MYO18B: variants seen among roughly 807,000 people sequenced by gnomAD.
The protein encoded by MYO18B is myosin XVIIIB.
A neutral mutation model predicts 273.0 loss-of-function variants in MYO18B; 204 were observed. The observed-to-expected ratio is 0.75, with a 90% confidence interval of 0.67 to 0.84. The LOEUF (loss-of-function observed/expected upper bound fraction) is 0.84. Among genes scored for constraint, MYO18B ranks in the 40% least tolerant of loss-of-function variants. The pLI is 0.00. For synonymous variants in MYO18B, 1,330 were observed against 1,305.7 expected (o/e 1.02, Z -0.40); for missense variants, 3,212 against 3,287.6 (o/e 0.98, Z 0.56).
Position 25,768,502 on chromosome 22 carries a change from T to C in MYO18B, c.586T>C (p.Ser196Pro), listed in dbSNP as rs569946540. The change falls in exon 4 of 44, where the codon TCT becomes CCT. Residue 196 changes from serine (S) to proline (P), a missense_variant. Coordinates refer to ENST00000335473, the MANE Select transcript of MYO18B (RefSeq NM_032608.7). Reference protein sequence around the residue: ...DTGKEKKGETSRTPCGSQAST... With the variant: ...DTGKEKKGETPRTPCGSQAST... ...TGGAAAGGAAAAGAAAGGGGAGACCTCTAGGACTCCTTGTGGCTCCCAGGC... is the reference window on the plus strand; with the variant it reads ...TGGAAAGGAAAAGAAAGGGGAGACCCCTAGGACTCCTTGTGGCTCCCAGGC... 3.1e-6 allele frequency: 5 copies of C among 1,593,186 alleles called. No individual in the cohort carries two copies. The East Asian group carries it at 9.0e-5, about 29-fold the overall frequency.
chr22:25,915,130 G>A (rs559148114), intron 33 of MYO18B, among the ~76,000 whole-genome samples: 11 of 152,116 alleles, frequency 7.2e-5, no homozygotes, highest in Non-Finnish European at 1.6e-4. Flanking sequence ...TTGAATGGTA[G>A]AGAAAGATAT....
chr22:26,021,131 G>C (rs73404467), intron 42 of MYO18B, among the ~76,000 whole-genome samples: 5,463 of 152,238 alleles, frequency 0.036, 306 homozygotes, highest in African/African-American at 0.12. Flanking sequence ...GGAATAGACA[G>C]AGCTGGGATT....
intron 25 of MYO18B, among the ~76,000 whole-genome samples, chr22:25,887,130 A>G (rs565660156): frequency 6.6e-6 from 1 of 152,206 alleles, no homozygotes; most frequent in African/African-American, 2.4e-5. Flanking sequence ...GTCTATGAAT[A>G]TAAGAGCTGA....
rs772618832 is a variant in MYO18B at position 26,027,024 on chromosome 22, C to A, written c.7050C>A (p.Ser2350=). The A allele has an allele frequency of 6.2e-7, 1 of 1,613,978 alleles. No individual in the cohort carries two copies. Among genetic ancestry groups the A allele is most frequent in the East Asian group, 2.2e-5 (1 of 44,876 alleles). Residue 2350 remains serine (S), a synonymous_variant, in exon 43 of 44, where the codon TCC becomes TCA. Coordinates refer to ENST00000335473, the MANE Select transcript of MYO18B (RefSeq NM_032608.7). This position sits in a 1 kb window ranked among gnomAD's most constrained non-coding sequence, Gnocchi z 4.1. The part of the protein sequence containing the change: ...LPEKSKTQFS[S]CESLLESRPS... ...AAAAGTCGAAAACCCAATTCAGTTC[C>A]TGCGAGTCCCTCTTAGAATCCAGAC...
At chr22:25,964,885 A>C (rs2146701950) in intron 39 of MYO18B, 1 of 152,356 alleles carries the variant, frequency 6.6e-6, no homozygotes, top group East Asian at 1.9e-4. Flanking sequence ...TCAAGAATGG[A>C]AAGAGGCGGA....
intron 31 of MYO18B, 108 bp downstream of exon 31, chr22:25,903,939 A>C: frequency 8.6e-7 from 1 of 1,168,478 alleles, no homozygotes; most frequent in Non-Finnish European, 1.2e-6. Context: ...TCATCCTTCA[A>C]TGGCTCCCTA....
intron 34 of MYO18B, among the ~76,000 whole-genome samples, chr22:25,933,121 A>T (rs761269342): frequency 2.0e-5 from 3 of 152,142 alleles, no homozygotes; most frequent in Non-Finnish European, 4.4e-5. Context: ...AGTTCAGGCC[A>T]GTTGCATTGT....
chr22:26,030,856 G>T lies in MYO18B; in HGVS notation c.*426G>T. ...TCACTTCCTCCAGGAAGTCTTTCCT[G>T]ATATATCAAACTGAAACAAATGCTC... On this transcript the variant is annotated 3_prime_UTR_variant, in exon 44 of 44. Transcript: ENST00000335473. 1 of 398,370 alleles carries T rather than the reference G, an allele frequency of 2.5e-6. No homozygotes were observed. The highest frequency in any genetic ancestry group is 1.3e-4 in the South Asian group (1 of 7,816). 24.7% of individuals were successfully genotyped at this position (398,370 alleles called of 1,614,324 possible).
intron 39 of MYO18B, among the ~76,000 whole-genome samples, chr22:25,973,379 G>A (rs2093055981): frequency 6.6e-6 from 1 of 152,188 alleles, no homozygotes; most frequent in Non-Finnish European, 1.5e-5. Context: ...TCAGACCATA[G>A]AAATATAGAA....
chr22:25,745,354 C>A (rs2085746227), intron 1 of MYO18B, among the ~76,000 whole-genome samples: 2 of 152,176 alleles, frequency 1.3e-5, no homozygotes, highest in South Asian at 4.1e-4. Flanking sequence ...AAGTGATCCA[C>A]CCACCTCAGC....
chr22:25,927,800 C>G (rs892686128), intron 34 of MYO18B, among the ~76,000 whole-genome samples: 2 of 152,104 alleles, frequency 1.3e-5, no homozygotes, highest in African/African-American at 4.8e-5. Flanking sequence ...TGTACTCTGT[C>G]CCTTTATTTC....
At chr22:25,999,171 G>A (rs1471189499) in intron 40 of MYO18B, among the ~76,000 whole-genome samples, 1 of 152,176 alleles carries the variant, frequency 6.6e-6, no homozygotes, top group Non-Finnish European at 1.5e-5. Context: ...CATGCAGTAG[G>A]TGATGAAGCC....
At chr22:25,851,807 G>A (rs1019410742) in intron 21 of MYO18B, among the ~76,000 whole-genome samples, 1 of 152,158 alleles carries the variant, frequency 6.6e-6, no homozygotes, top group African/African-American at 2.4e-5. Context: ...GCCCCAGGGG[G>A]CATCTGGACC....
intron 38 of MYO18B, among the ~76,000 whole-genome samples, chr22:25,954,259 C>T (rs1418876110): frequency 1.3e-5 from 2 of 152,082 alleles, no homozygotes; most frequent in Non-Finnish European, 2.9e-5. Flanking sequence ...ATTCCCCATC[C>T]CCCCTGCCAC....
intron 11 of MYO18B, among the ~76,000 whole-genome samples, chr22:25,789,291 T>C (rs997297371): frequency 6.6e-6 from 1 of 150,742 alleles, no homozygotes; most frequent in Admixed American, 6.7e-5. Context: ...TTATCTCTAT[T>C]CTCTTCTAAT....
At chr22:25,828,327 T>A (rs761861364) in intron 14 of MYO18B, among the ~76,000 whole-genome samples, 1 of 152,134 alleles carries the variant, frequency 6.6e-6, no homozygotes, top group African/African-American at 2.4e-5. Context: ...ATGTGAATAA[T>A]CCCTGTTGTG....
chr22:25,836,806 C>A (rs1395642991), intron 17 of MYO18B, among the ~76,000 whole-genome samples: 2 of 151,834 alleles, frequency 1.3e-5, no homozygotes, highest in East Asian at 3.9e-4. Flanking sequence ...ACTAAAAATA[C>A]AAAAAATTAG....
the MYO18B span, among the ~76,000 whole-genome samples, chr22:26,060,707 C>G: frequency 1.3e-4 from 20 of 152,238 alleles, no homozygotes; most frequent in South Asian, 3.9e-3. Flanking sequence ...TACATACACA[C>G]ATGCACACAT....
chr22:25,763,523 C>G (rs928105964), intron 3 of MYO18B, 134 bp downstream of exon 3: 1 of 1,090,248 alleles, frequency 9.2e-7, no homozygotes, highest in African/African-American at 1.6e-5. Flanking sequence ...CTTTATTCAA[C>G]TTGATCTATT....
Sources: allele counts gnomAD v4.1 joint callset (sites outside exome capture counted in the v4.1 genomes callset), GRCh38; gene constraint gnomAD v4.1.1; non-coding constraint Gnocchi (gnomAD v3.1); transcripts MANE v1.5; gene names NCBI Gene and HGNC (gene_info 2026-07-23, HGNC 2026-07-21).